Variants in PTPRD observed in about 807,000 individuals in gnomAD.
The protein encoded by PTPRD is protein tyrosine phosphatase receptor type D.
Under a neutral mutation model 214.5 loss-of-function variants are expected in PTPRD, and 34 were observed. The ratio of observed to expected loss-of-function variants is 0.16; its 90% CI spans 0.12 to 0.21. The LOEUF is 0.21. Ranked by LOEUF, PTPRD falls within the 10% of genes least tolerant of loss-of-function variation. The probability of loss-of-function intolerance (pLI) is 1.00; values close to 1 mark genes in which losing one functional copy is unlikely to be tolerated. For missense variants in PTPRD, 2,545 were observed against 2,398.7 expected, an observed-to-expected ratio of 1.06 and a Z score of -1.27; for synonymous variants, 1,128 against 845.7, an observed-to-expected ratio of 1.33 and a Z score of -5.79.
intron 9 of PTPRD, among the ~76,000 whole-genome samples, chr9:9,359,883 A>C (rs1021751684): frequency 6.6e-6 from 1 of 151,356 alleles, no homozygotes; most frequent in African/African-American, 2.4e-5. Context: ...AGAGACACTT[A>C]CTTTCACAGC....
chr9:10,223,670 AAATAATAATAATAATAAT>A (rs67338126), intron 3 of PTPRD, among the ~76,000 whole-genome samples: 183 of 134,350 alleles, frequency 1.4e-3, no homozygotes, highest in African/African-American at 3.0e-3. Flanking sequence ...ATTCTGTCTC[AAATAATAATAATAATAAT>A]AATAATAATA....
At chr9:9,586,077 G>C (rs2091892905) in intron 7 of PTPRD, among the ~76,000 whole-genome samples, 1 of 152,028 alleles carries the variant, frequency 6.6e-6, no homozygotes, top group Non-Finnish European at 1.5e-5. Context: ...ACCAATTGCA[G>C]AGGTTGTGGT....
At chr9:10,457,511 T>G (rs1171341568) in intron 2 of PTPRD, among the ~76,000 whole-genome samples, 1 of 152,052 alleles carries the variant, frequency 6.6e-6, no homozygotes, top group African/African-American at 2.4e-5. Flanking sequence ...TACACCACAC[T>G]TCATTTATTT....
At chr9:10,012,322 A>C (rs2096618265) in intron 4 of PTPRD, among the ~76,000 whole-genome samples, 1 of 151,762 alleles carries the variant, frequency 6.6e-6, no homozygotes, top group South Asian at 2.1e-4. Flanking sequence ...GATTCAGACA[A>C]GAAGAAAAAA....
intron 14 of PTPRD, among the ~76,000 whole-genome samples, chr9:8,598,101 C>A (rs557398264): frequency 6.6e-6 from 1 of 152,064 alleles, no homozygotes; most frequent in Non-Finnish European, 1.5e-5. Flanking sequence ...AGAACATCTA[C>A]CAACATGTTT....
Position 10,472,514 on chromosome 9 carries a change from TG to T in PTPRD, c.-599-131498del, listed in dbSNP as rs373339769. On this transcript the variant is annotated intron_variant, in intron 2 of 45. Coordinates refer to ENST00000381196, the MANE Select transcript of PTPRD (RefSeq NM_002839.4). Reference sequence around the variant, plus strand: ...GTAGTTGGGGACTGGCGGAAACAAGTGGCAATATCAGTGAAGTATAGAATCA... The same window carrying T: ...GTAGTTGGGGACTGGCGGAAACAAGTGCAATATCAGTGAAGTATAGAATCA... Among the ~76,000 whole-genome samples, 32 of 151,936 alleles carry T rather than the reference TG, an allele frequency of 2.1e-4. No individual in the cohort carries two copies. In the South Asian group the frequency reaches 6.2e-3, roughly 29 times the overall value.
intron 8 of PTPRD, among the ~76,000 whole-genome samples, chr9:9,436,036 T>C (rs1462525106): frequency 1.3e-5 from 2 of 152,170 alleles, no homozygotes; most frequent in East Asian, 3.9e-4. Context: ...TCACCTCTAC[T>C]TCTGCTCTGA....
At chr9:9,950,296 C>T (rs143321660) in intron 4 of PTPRD, among the ~76,000 whole-genome samples, 13 of 152,242 alleles carry the variant, frequency 8.5e-5, no homozygotes, top group African/African-American at 3.1e-4. Context: ...CAATTATGTG[C>T]AATGTAGAAG....
chr9:10,013,495 T>C (rs1588906826), intron 4 of PTPRD, among the ~76,000 whole-genome samples: 1 of 151,112 alleles, frequency 6.6e-6, no homozygotes, highest in Non-Finnish European at 1.5e-5. Context: ...GAAACAGAGA[T>C]TCACCTCAGA....
At chr9:8,414,328 A>G (rs2093738987) in intron 35 of PTPRD, among the ~76,000 whole-genome samples, 1 of 152,200 alleles carries the variant, frequency 6.6e-6, no homozygotes, top group Admixed American at 6.5e-5. Context: ...AGCCTTTTGT[A>G]CTGTGTTTTC....
At chr9:10,291,645 GA>G (rs77766055) in intron 3 of PTPRD, among the ~76,000 whole-genome samples, 41,834 of 151,824 alleles carry the variant, frequency 0.28, 7,642 homozygotes, top group African/African-American at 0.52. Context: ...TCTGGGAACA[GA>G]AAAGGAACCA....
chr9:8,698,763 C>T (rs1356531161), intron 12 of PTPRD, among the ~76,000 whole-genome samples: 1 of 152,110 alleles, frequency 6.6e-6, no homozygotes, highest in Non-Finnish European at 1.5e-5. Context: ...TCGCAGGAAA[C>T]TAGATAGCTT....
chr9:9,432,948 A>G (rs2083789948), intron 8 of PTPRD, among the ~76,000 whole-genome samples: 1 of 152,136 alleles, frequency 6.6e-6, no homozygotes, highest in South Asian at 2.1e-4. Context: ...ATTCACTAAG[A>G]GCATCCCTCA....
At chr9:9,291,413 G>A (rs1302960898) in intron 9 of PTPRD, among the ~76,000 whole-genome samples, 1 of 151,396 alleles carries the variant, frequency 6.6e-6, no homozygotes, top group Non-Finnish European at 1.5e-5. Context: ...CCCCAACGGA[G>A]GTGCAAATAA....
At chr9:9,403,290 CAAAAA>C (rs56105335) in intron 8 of PTPRD, among the ~76,000 whole-genome samples, 1 of 60,660 alleles carries the variant, frequency 1.6e-5, no homozygotes, top group African/African-American at 7.4e-5. Context: ...TACTCTGTCT[CAAAAA>C]AAAAAAAAAA....
intron 14 of PTPRD, among the ~76,000 whole-genome samples, chr9:8,530,659 T>G (rs534218225): frequency 3.9e-5 from 6 of 152,212 alleles, no homozygotes; most frequent in African/African-American, 1.2e-4. Context: ...TAAGTATGAA[T>G]ATATATCAGT....
At chr9:8,344,572 C>G (rs10976975) in intron 39 of PTPRD, among the ~76,000 whole-genome samples, 3,477 of 151,890 alleles carry the variant, frequency 0.023, 74 homozygotes, top group East Asian at 0.055. Flanking sequence ...TTTTCCCCCA[C>G]AATTCAAAAT....
intron 9 of PTPRD, among the ~76,000 whole-genome samples, chr9:9,255,869 G>A (rs2099977492): frequency 1.3e-5 from 2 of 151,930 alleles, no homozygotes; most frequent in Admixed American, 1.3e-4. Flanking sequence ...CCCCTTGTTT[G>A]ACTTCAGGAT....
chr9:10,204,622 T>A (rs548386684), intron 3 of PTPRD, among the ~76,000 whole-genome samples: 1 of 152,186 alleles, frequency 6.6e-6, no homozygotes, highest in African/African-American at 2.4e-5. Context: ...CTTAGTAATG[T>A]GTATAACTAT....
Sources: gnomAD v4.1 joint callset for allele counts (sites outside exome capture counted in the v4.1 genomes callset) on GRCh38, gnomAD v4.1.1 for gene constraint, MANE v1.5 for transcripts, NCBI Gene and HGNC (gene_info 2026-07-23, HGNC 2026-07-21) for gene names.